Variants in SPATS2L observed in about 807,000 individuals in gnomAD.
SPATS2L encodes the protein spermatogenesis associated serine rich 2 like.
In SPATS2L, 30 loss-of-function variants were observed where a neutral mutation model predicts 59.6. That is an observed-to-expected ratio of 0.50 (90% confidence interval 0.38 to 0.68). The LOEUF (loss-of-function observed/expected upper bound fraction) is 0.68. Ranked by LOEUF, SPATS2L falls within the 30% of genes least tolerant of loss-of-function variation. The pLI is 0.00. For synonymous variants in SPATS2L, 252 were observed against 263.5 expected, an observed-to-expected ratio of 0.96 and a Z score of 0.42; for missense variants, 615 against 700.0, an observed-to-expected ratio of 0.88 and a Z score of 1.37.
intron 2 of SPATS2L, among the ~76,000 whole-genome samples, chr2:200,338,902 C>T (rs1211029851): frequency 2.0e-5 from 3 of 152,156 alleles, no homozygotes; most frequent in Admixed American, 6.5e-5. Flanking sequence ...ACAAATTTCT[C>T]ATCAAAGCTG....
At chr2:200,367,833 T>C (rs565467401) in intron 2 of SPATS2L, among the ~76,000 whole-genome samples, 1 of 152,360 alleles carries the variant, frequency 6.6e-6, no homozygotes, top group South Asian at 2.1e-4. Flanking sequence ...AAAATGTTAC[T>C]TATTTTCAGA....
chr2:200,313,636 T>C (rs2079266227), intron 1 of SPATS2L, among the ~76,000 whole-genome samples: 1 of 152,240 alleles, frequency 6.6e-6, no homozygotes, highest in Admixed American at 6.5e-5. Flanking sequence ...CAGAAAACGA[T>C]GAACGCTTTT....
intron 3 of SPATS2L, chr2:200,393,298 G>T: frequency 2.2e-6 from 1 of 456,788 alleles, no homozygotes; most frequent in Non-Finnish European, 4.4e-6. Context: ...CGACATTAGA[G>T]TGTCTTATTC....
chr2:200,425,128 G>C (rs1040101854), intron 6 of SPATS2L, among the ~76,000 whole-genome samples: 8,428 of 33,648 alleles, frequency 0.25, 67 homozygotes, highest in Non-Finnish European at 0.28. Flanking sequence ...AGTTCCCCCC[G>C]CCCCCCCCCC....
chr2:200,478,023 G>T lies in SPATS2L; in HGVS notation c.1669G>T (p.Val557Leu). The change falls in exon 13 of 13, where the codon GTG becomes TTG. Residue 557 changes from valine (V) to leucine (L), a missense_variant. By Grantham distance (32) the Val-to-Leu change is conservative. Coordinates refer to ENST00000409140, the MANE Select transcript of SPATS2L (RefSeq NM_001100423.2). Reference protein sequence around the residue: ...AVLSVPAVTLVA With the variant: ...AVLSVPAVTLLA ...TCTCTCAGTCCCGGCTGTGACGTTG[G>T]TGGCCTGAGCTAGGAGGAAAAAGAG... The T allele has an allele frequency of 6.4e-7, 1 of 1,555,342 alleles. No individual in the cohort carries two copies. The highest frequency in any genetic ancestry group is 8.7e-7 in the Non-Finnish European group (1 of 1,150,352).
chr2:200,378,981 G>T (rs1354113676), intron 2 of SPATS2L, among the ~76,000 whole-genome samples: 3 of 152,134 alleles, frequency 2.0e-5, no homozygotes, highest in African/African-American at 4.8e-5. Context: ...ATACCTTTGC[G>T]CCTGACTCTC....
At position 200,480,495 on chromosome 2, in the gene SPATS2L, A is replaced by G. The variant is rs1297765239; in HGVS notation, c.*2464A>G. 2.6e-5 allele frequency: 4 copies of G among 152,042 alleles called. No individual in the cohort carries two copies. The South Asian group carries it at 6.2e-4, about 24-fold the overall frequency. The allele number at this position is 152,042 out of a possible 1,614,324, so 9.4% of individuals were successfully genotyped here. A position where few individuals can be genotyped will look rare whatever the true frequency, so the allele number is the denominator to read the frequency against. The stretch of plus-strand genomic sequence containing the variant: ...GGGCTCAAGCCATCCTCAGCCTCCC[A>G]AGTTGCGAGGACTACAGGTGTGCAC... On this transcript the variant is annotated 3_prime_UTR_variant, in exon 13 of 13. Coordinates refer to ENST00000409140, the MANE Select transcript of SPATS2L (RefSeq NM_001100423.2).
intron 8 of SPATS2L, among the ~76,000 whole-genome samples, chr2:200,449,203 G>A (rs573257071): frequency 4.6e-5 from 7 of 152,292 alleles, no homozygotes; most frequent in Non-Finnish European, 1.0e-4. Flanking sequence ...TGCAATAGAT[G>A]TTTCCCCAGG....
At chr2:200,424,133 A>G (rs1394293987) in intron 6 of SPATS2L, among the ~76,000 whole-genome samples, 1 of 152,186 alleles carries the variant, frequency 6.6e-6, no homozygotes. Context: ...GATCTTTTAC[A>G]TAATCCAATC....
chr2:200,448,444 C>A (rs2106141148), intron 8 of SPATS2L, among the ~76,000 whole-genome samples: 1 of 152,238 alleles, frequency 6.6e-6, no homozygotes, highest in South Asian at 2.1e-4. Flanking sequence ...ACTGTCTAAA[C>A]AACAAAAACA....
chr2:200,407,872 C>T (rs901288099), intron 3 of SPATS2L, among the ~76,000 whole-genome samples: 3 of 152,072 alleles, frequency 2.0e-5, no homozygotes, highest in Admixed American at 6.6e-5. Context: ...TCAGAGCAGC[C>T]GCCTGGTGTA....
At chr2:200,371,973 G>T (rs2081441001) in intron 2 of SPATS2L, 11 of 954,898 alleles carry the variant, frequency 1.2e-5, no homozygotes, top group Non-Finnish European at 1.4e-5. Flanking sequence ...TTCTGGCCCT[G>T]CCTGCAGGAA....
At chr2:200,441,587 C>T (rs1490408459) in intron 8 of SPATS2L, among the ~76,000 whole-genome samples, 1 of 152,126 alleles carries the variant, frequency 6.6e-6, no homozygotes, top group Non-Finnish European at 1.5e-5. Context: ...TCTCTCCTTC[C>T]TCTCTCCTGG....
chr2:200,364,314 A>G (rs550516671), intron 2 of SPATS2L, among the ~76,000 whole-genome samples: 2 of 152,290 alleles, frequency 1.3e-5, no homozygotes, highest in African/African-American at 4.8e-5. Context: ...CTGTTCGGTA[A>G]GAAGAATAGA....
At chr2:200,372,195 G>A (rs1325776986) in intron 2 of SPATS2L, 2 of 985,312 alleles carry the variant, frequency 2.0e-6, no homozygotes, top group Admixed American at 6.1e-5. Context: ...AAACAACATT[G>A]TTTCTCCCTT....
At chr2:200,460,339 A>G (rs2086144705) in intron 9 of SPATS2L, among the ~76,000 whole-genome samples, 1 of 152,198 alleles carries the variant, frequency 6.6e-6, no homozygotes, top group Admixed American at 6.5e-5. Flanking sequence ...TTTTAATTAC[A>G]TATATAAATT....
Position 200,373,994 on chromosome 2 carries a change from G to A in SPATS2L, c.-22-15229G>A, listed in dbSNP as rs141507337. 7.9e-5 allele frequency among the ~76,000 whole-genome samples: 12 copies of A among 152,206 alleles called. No homozygotes were observed. In the East Asian group the frequency reaches 2.3e-3, roughly 29 times the overall value. On this transcript the variant is annotated intron_variant, in intron 2 of 12. Coordinates refer to ENST00000409140, the MANE Select transcript of SPATS2L (RefSeq NM_001100423.2). The stretch of plus-strand genomic sequence containing the variant: ...ATTTACTAAAAGAAAAATGAAACAA[G>A]GATATTACCTCTAGCTGCATTACGA...
At chr2:200,466,385 T>C (rs2086604448) in intron 9 of SPATS2L, among the ~76,000 whole-genome samples, 1 of 152,252 alleles carries the variant, frequency 6.6e-6, no homozygotes, top group African/African-American at 2.4e-5. Flanking sequence ...AGTCTATCTA[T>C]TGAAAGATCC....
intron 1 of SPATS2L, among the ~76,000 whole-genome samples, chr2:200,310,918 T>C (rs1179274632): frequency 6.6e-6 from 1 of 152,242 alleles, no homozygotes; most frequent in Admixed American, 6.5e-5. Flanking sequence ...ATTGGTTCTT[T>C]CTGCCCTTTT....
Sources: gnomAD v4.1 joint callset for allele counts (sites outside exome capture counted in the v4.1 genomes callset) on GRCh38, gnomAD v4.1.1 for gene constraint, MANE v1.5 for transcripts, NCBI Gene and HGNC (gene_info 2026-07-23, HGNC 2026-07-21) for gene names.